The following MVD variants were observed in gnomAD, a reference collection of about 807,000 sequenced individuals.
MVD encodes the protein diphosphomevalonate decarboxylase.
A neutral mutation model predicts 42.4 loss-of-function variants in MVD; 52 were observed. The ratio of observed to expected loss-of-function variants is 1.23; its 90% CI spans 0.98 to 1.55. The LOEUF (loss-of-function observed/expected upper bound fraction) is 1.55. MVD is among the 40% of genes most tolerant of loss of function. The pLI is 0.00. For synonymous variants in MVD, 287 were observed against 243.2 expected (o/e 1.18, Z -1.68); for missense variants, 663 against 572.1 (o/e 1.16, Z -1.62).
chr16:88,652,182 C>T lies in MVD; in HGVS notation c.*343G>A. On this transcript the variant is annotated 3_prime_UTR_variant, in exon 10 of 10. Transcript: ENST00000301012. ...CTGGTCCGCTGGAGGGACCACCTCC[C>T]CACTGAGCTCCTTTCTCAGAGAACT... 1 of 429,158 alleles carries T rather than the reference C, an allele frequency of 2.3e-6. No individual in the cohort carries two copies. The highest frequency in any genetic ancestry group is 2.2e-5 in the South Asian group (1 of 45,750). The allele number at this position is 429,158 out of a possible 1,614,324, so 26.6% of individuals were successfully genotyped here. A position where few individuals can be genotyped will look rare whatever the true frequency, so the allele number is the denominator to read the frequency against.
intron 4 of MVD, 117 bp downstream of exon 4, chr16:88,657,319 G>A: frequency 7.2e-7 from 1 of 1,389,586 alleles, no homozygotes; most frequent in Non-Finnish European, 9.8e-7. Flanking sequence ...GGGAGGCCTG[G>A]GGTGAGGGGA....
At position 88,658,598 on chromosome 16, in the gene MVD, A is replaced by G. The variant is rs115259279; in HGVS notation, c.141+52T>C. ...ATACCCAACGGGTACCAACTGTTCTACAAATGTTCTGGAAATGGCACTGTG... is the reference window on the plus strand; with the variant it reads ...ATACCCAACGGGTACCAACTGTTCTGCAAATGTTCTGGAAATGGCACTGTG... On this transcript the variant is annotated intron_variant, in intron 2 of 9. Transcript: ENST00000301012. 1.5e-3 allele frequency: 2,326 copies of G among 1,567,882 alleles called. 35 individuals carry two copies. The African/African-American group carries it at 0.027, about 18-fold the overall frequency.
At chr16:88,653,181 C>G (rs1001254094) in intron 9 of MVD, 119 bp downstream of exon 9, 1 of 759,304 alleles carries the variant, frequency 1.3e-6, no homozygotes, top group Non-Finnish European at 2.2e-6. Context: ...TTCTGGCTTC[C>G]TGCCTGAGAC....
At chr16:88,658,540 C>T in intron 2 of MVD, 110 bp downstream of exon 2, 2 of 1,069,218 alleles carry the variant, frequency 1.9e-6, no homozygotes, top group Non-Finnish European at 2.8e-6. Context: ...AAGAGACTCT[C>T]CCCAAGTGCT....
In MVD at chr16:88,659,835, C is replaced by A. The variant is rs112464613; in HGVS notation, c.71-1115G>T. ...ACAAAAATTAGCCAGGCTGTAGTGA[C>A]GCACGCCTGTTATCCCAGCTACTCA... On this transcript the variant is annotated intron_variant, in intron 1 of 9. Transcript: ENST00000301012. 8.9e-3 allele frequency among the ~76,000 whole-genome samples: 1,355 copies of A among 152,128 alleles called. 11 individuals carry two copies. The highest frequency in any genetic ancestry group is 0.029 in the African/African-American group (1,224 of 41,510).
chr16:88,658,259 G>A (rs1014974195), intron 2 of MVD, among the ~76,000 whole-genome samples: 24 of 152,108 alleles, frequency 1.6e-4, no homozygotes, highest in African/African-American at 5.8e-4. Flanking sequence ...ATAAAGAGAC[G>A]GGGACTCCCA....
chr16:88,652,657 G>T, intron 9 of MVD, 52 bp from the exon 10 acceptor site: 1 of 1,498,932 alleles, frequency 6.7e-7, no homozygotes, highest in Non-Finnish European at 9.1e-7. Context: ...GCCTCATCCT[G>T]TGCCCAGCAT....
chr16:88,655,376 C>G lies in MVD; in HGVS notation c.720G>C (p.Met240Ile). The change falls in exon 7 of 10, where the codon ATG (methionine) becomes ATC (isoleucine). Residue 240 changes from methionine to isoleucine, a missense_variant. Coordinates refer to ENST00000301012, the MANE Select transcript of MVD (RefSeq NM_002461.3). The part of the protein sequence containing the change: ...ESVVPARMAE[M>I]ARCIRERDFP... ...AGTCTCGCTCCCGGATGCAGCGGGC[C>G]ATCTCCGCCATGCGCGCGGGCACCA... The G allele has an allele frequency of 6.3e-7, 1 of 1,596,632 alleles. No individual in the cohort carries two copies.
intron 5 of MVD, 59 bp from the exon 6 acceptor site, chr16:88,655,789 C>CA: frequency 1.3e-6 from 2 of 1,527,924 alleles, no homozygotes; most frequent in Non-Finnish European, 1.8e-6. Context: ...CCAAGGACCT[C>CA]AGCCTCAAAC....
Position 88,654,763 on chromosome 16 carries a change from G to A in MVD, c.942C>T (p.Thr314=), listed in dbSNP as rs1420827431. ...FDAGPNAVIF[T]LDDTVAEFVA... is the part of the protein sequence containing the mutation. ...CAAACTCAGCCACAGTGTCGTCCAG[G>A]GTGAAGATCACGGCATTGGGGCCCG... Residue 314 remains threonine, a synonymous_variant, in exon 8 of 10, where the codon ACC becomes ACT. Coordinates refer to ENST00000301012, the MANE Select transcript of MVD (RefSeq NM_002461.3). 1.3e-6 allele frequency: 2 copies of A among 1,599,504 alleles called. No homozygotes were observed. Among genetic ancestry groups the A allele is most frequent in the South Asian group, 1.1e-5 (1 of 88,744 alleles).
rs745522479 is a variant in MVD at position 88,654,841 on chromosome 16, G to A, written c.898-34C>T. 9.1e-6 allele frequency: 14 copies of A among 1,534,048 alleles called. 1 individual carries two copies. The South Asian group carries it at 1.5e-4, about 16-fold the overall frequency. ...CACAGCAGTCACCCTGGCTATTCACGTGGTGCCTGACCCTTGTCTCCCCAA... is the reference window on the plus strand; with the variant it reads ...CACAGCAGTCACCCTGGCTATTCACATGGTGCCTGACCCTTGTCTCCCCAA... On this transcript the variant is annotated intron_variant, in intron 7 of 9. Transcript: ENST00000301012.
chr16:88,658,827 T>G, intron 1 of MVD, 107 bp from the exon 2 acceptor site: 14 of 701,564 alleles, frequency 2.0e-5, no homozygotes, highest in Non-Finnish European at 2.9e-5. Context: ...TCCGCCTCAG[T>G]CCCGTCTCTC....
chr16:88,658,809 G>A (rs1005545404), intron 1 of MVD, 89 bp from the exon 2 acceptor site: 13 of 991,564 alleles, frequency 1.3e-5, no homozygotes, highest in Middle Eastern at 3.1e-4. Context: ...CCCCACCCAC[G>A]GCCCCCATCC....
Position 88,657,473 on chromosome 16 carries a change from C to T in MVD, c.366G>A (p.Ala122=), listed in dbSNP as rs374169732. The T allele has an allele frequency of 3.0e-5, 49 of 1,612,022 alleles. No homozygotes were observed. In the East Asian group the frequency reaches 3.1e-4, roughly 10 times the overall value. Residue 122 remains alanine (A), a synonymous_variant, in exon 4 of 10, where the codon GCG becomes GCA. Coordinates refer to ENST00000301012, the MANE Select transcript of MVD (RefSeq NM_002461.3). ...VASVNNFPTA[A]GLASSAAGYA... Reference sequence around the variant, plus strand: ...AGCCCGCCGCTGAGGAGGCCAGGCCCGCAGCCGTGGGGAAGTTGTTCACCG... The same window carrying T: ...AGCCCGCCGCTGAGGAGGCCAGGCCTGCAGCCGTGGGGAAGTTGTTCACCG...
rs969837305 is a variant in MVD, at chr16:88,655,056, T to G, written c.897+143A>C. 3 of 1,063,386 alleles carry G rather than the reference T, an allele frequency of 2.8e-6. No homozygotes were observed. The African/African-American group carries it at 4.8e-5, about 17-fold the overall frequency. The allele number at this position is 1,063,386 out of a possible 1,614,324, so 65.9% of individuals were successfully genotyped here. A position where few individuals can be genotyped will look rare whatever the true frequency, so the allele number is the denominator to read the frequency against. On this transcript the variant is annotated intron_variant, in intron 7 of 9. Transcript: ENST00000301012. Reference sequence around the variant, plus strand: ...AAATGAAACAGAAGAACCCAGATGGTCAGTGAGCTTCGCACACAGCAGGGT... The same window carrying G: ...AAATGAAACAGAAGAACCCAGATGGGCAGTGAGCTTCGCACACAGCAGGGT...
intron 3 of MVD, 136 bp from the exon 4 acceptor site, chr16:88,657,718 G>A (rs984350729): frequency 1.2e-5 from 17 of 1,379,942 alleles, no homozygotes; most frequent in Non-Finnish European, 1.7e-5. Flanking sequence ...TCTTACCCGG[G>A]AAAACCCCAG....
chr16:88,655,849 C>A, intron 5 of MVD, 119 bp from the exon 6 acceptor site: 1 of 1,277,180 alleles, frequency 7.8e-7, no homozygotes, highest in Middle Eastern at 2.0e-4. Flanking sequence ...GAGTCAGTGC[C>A]ACCTGCCTGA....
At chr16:88,660,442 T>G (rs1395173315) in intron 1 of MVD, 1 of 151,854 alleles carries the variant, frequency 6.6e-6, no homozygotes, top group Non-Finnish European at 1.5e-5. Context: ...GTCAGGAGTT[T>G]AAGACCAGCC....
Position 88,652,275 on chromosome 16 carries a change from T to C in MVD, c.*250A>G. ...TGCACCGAGGCTCTGCCAGTTCTCA[T>C]ACCCCCTCCCCATCCCATCTTGGCA... On this transcript the variant is annotated 3_prime_UTR_variant, in exon 10 of 10. Transcript: ENST00000301012. The C allele has an allele frequency of 1.7e-6, 1 of 592,700 alleles. No individual in the cohort carries two copies. The highest frequency in any genetic ancestry group is 3.0e-6 in the Non-Finnish European group (1 of 330,262). 36.7% of individuals were successfully genotyped at this position (592,700 alleles called of 1,614,324 possible). A position where few individuals can be genotyped will look rare whatever the true frequency, so the allele number is the denominator to read the frequency against.
Sources: allele counts gnomAD v4.1 joint callset (sites outside exome capture counted in the v4.1 genomes callset), GRCh38; gene constraint gnomAD v4.1.1; transcripts MANE v1.5; gene names NCBI Gene and HGNC (gene_info 2026-07-23, HGNC 2026-07-21).